The following PTPRD variants were observed in gnomAD, a reference collection of about 807,000 sequenced individuals.
PTPRD encodes the protein protein tyrosine phosphatase receptor type D.
In PTPRD, 34 loss-of-function variants were observed where a neutral mutation model predicts 214.5. The ratio of observed to expected loss-of-function variants is 0.16; its 90% confidence interval spans 0.12 to 0.21. The LOEUF (loss-of-function observed/expected upper bound fraction) is 0.21. PTPRD is among the 10% of genes least tolerant of loss of function. The probability of loss-of-function intolerance (pLI) is 1.00; values close to 1 mark genes in which losing one functional copy is unlikely to be tolerated. For missense variants in PTPRD, 2,545 were observed against 2,398.7 expected (o/e 1.06, Z -1.27); for synonymous variants, 1,128 against 845.7 (o/e 1.33, Z -5.79).
chr9:10,607,425 C>T (rs898287357), intron 2 of PTPRD, among the ~76,000 whole-genome samples: 4 of 151,772 alleles, frequency 2.6e-5, no homozygotes, highest in African/African-American at 9.7e-5. Flanking sequence ...TTCACTAAGT[C>T]CTATTTTGAA....
chr9:8,739,705 C>G (rs1428393742), intron 11 of PTPRD, among the ~76,000 whole-genome samples: 1 of 152,112 alleles, frequency 6.6e-6, no homozygotes, highest in Non-Finnish European at 1.5e-5. Context: ...TTGGATCACT[C>G]ACTAACTGAT....
chr9:9,522,349 C>T (rs1174227753), intron 8 of PTPRD, among the ~76,000 whole-genome samples: 1 of 152,000 alleles, frequency 6.6e-6, no homozygotes, highest in Admixed American at 6.6e-5. Context: ...TGGAAGGGCA[C>T]ATATGTTGTA....
At position 10,508,803 on chromosome 9, in the gene PTPRD, G is replaced by C. The variant is rs190281396; in HGVS notation, c.-600+103595C>G. On this transcript the variant is annotated intron_variant, in intron 2 of 45. Transcript: ENST00000381196. ...ACACTGGGGCCTGTCGTGGGGTGGG[G>C]GTAGAGGGGAAGGAAAGCATTAGGA... Among the ~76,000 whole-genome samples, 296 of 152,112 alleles carry C rather than the reference G, an allele frequency of 1.9e-3. 2 individuals carry two copies. Among genetic ancestry groups the C allele is most frequent in the African/African-American group, 6.9e-3 (287 of 41,498 alleles).
At chr9:8,336,600 C>A (rs1358238915) in intron 43 of PTPRD, among the ~76,000 whole-genome samples, 1 of 132,234 alleles carries the variant, frequency 7.6e-6, no homozygotes. Flanking sequence ...CAAATGGGAT[C>A]TAATTAAACT....
At chr9:9,363,813 C>G (rs994355072) in intron 9 of PTPRD, among the ~76,000 whole-genome samples, 1 of 151,316 alleles carries the variant, frequency 6.6e-6, no homozygotes, top group African/African-American at 2.4e-5. Context: ...CATTTGACAA[C>G]TGAGGGAACT....
intron 10 of PTPRD, among the ~76,000 whole-genome samples, chr9:9,160,846 C>T (rs1276475841): frequency 3.3e-5 from 5 of 151,986 alleles, no homozygotes; most frequent in Admixed American, 6.6e-5. Context: ...CTATTTGGCT[C>T]GAAAAGAAGG....
Position 9,846,685 on chromosome 9 carries a change from C to CA in PTPRD, c.-367-79835dup, listed in dbSNP as rs769760445. Among the ~76,000 whole-genome samples the CA allele has an allele frequency of 2.0e-5, 3 of 151,822 alleles. No homozygotes were observed. The East Asian group carries it at 5.8e-4, about 29-fold the overall frequency. ...GAAACTTATTTTTAAGAAAGCTACCCAGCTTGTTATTCTGCCAAACACCAA... is the reference window on the plus strand; with the variant it reads ...GAAACTTATTTTTAAGAAAGCTACCCAAGCTTGTTATTCTGCCAAACACCAA... On this transcript the variant is annotated intron_variant, in intron 5 of 45. Coordinates refer to ENST00000381196, the MANE Select transcript of PTPRD (RefSeq NM_002839.4).
At chr9:9,358,775 C>T (rs2054848130) in intron 9 of PTPRD, among the ~76,000 whole-genome samples, 1 of 151,298 alleles carries the variant, frequency 6.6e-6, no homozygotes, top group South Asian at 2.1e-4. Flanking sequence ...TAATCCAACA[C>T]CTTTACATTC....
At chr9:9,772,397 A>G (rs10977968) in intron 5 of PTPRD, among the ~76,000 whole-genome samples, 24,952 of 152,184 alleles carry the variant, frequency 0.16, 2,501 homozygotes, top group East Asian at 0.27. Flanking sequence ...ACAACTGATA[A>G]TTTCCAGTTA....
At chr9:8,496,047 C>T (rs1393350700) in intron 26 of PTPRD, among the ~76,000 whole-genome samples, 1 of 152,058 alleles carries the variant, frequency 6.6e-6, no homozygotes, top group South Asian at 2.1e-4. Flanking sequence ...TAACACGAAG[C>T]CTTCATTTAT....
intron 5 of PTPRD, among the ~76,000 whole-genome samples, chr9:9,855,571 G>A (rs2061395897): frequency 2.0e-5 from 3 of 152,092 alleles, no homozygotes; most frequent in Admixed American, 2.0e-4. Flanking sequence ...TCCTCAACCT[G>A]CCGCTCTCAA....
chr9:9,263,026 T>C (rs1276607550), intron 9 of PTPRD, among the ~76,000 whole-genome samples: 1 of 151,640 alleles, frequency 6.6e-6, no homozygotes, highest in Non-Finnish European at 1.5e-5. Context: ...CACTTTCATA[T>C]AATACCAAGG....
intron 2 of PTPRD, among the ~76,000 whole-genome samples, chr9:10,355,625 T>C (rs2097262946): frequency 6.6e-6 from 1 of 151,944 alleles, no homozygotes; most frequent in African/African-American, 2.4e-5. Flanking sequence ...ATTACAGGCA[T>C]GCACGACCAT....
At chr9:8,464,939 A>C (rs1457376385) in intron 32 of PTPRD, among the ~76,000 whole-genome samples, 1 of 151,852 alleles carries the variant, frequency 6.6e-6, no homozygotes, top group Non-Finnish European at 1.5e-5. Flanking sequence ...CTTCCTCATG[A>C]ATCCGGGTAG....
chr9:10,329,109 G>A (rs921214373), intron 3 of PTPRD, among the ~76,000 whole-genome samples: 4 of 151,668 alleles, frequency 2.6e-5, no homozygotes, highest in Non-Finnish European at 4.4e-5. Flanking sequence ...TTTTTCTGTT[G>A]AATATGAGAG....
intron 9 of PTPRD, among the ~76,000 whole-genome samples, chr9:9,210,731 C>T (rs2099947988): frequency 6.6e-6 from 1 of 152,084 alleles, no homozygotes; most frequent in Non-Finnish European, 1.5e-5. Context: ...TTGCCACATC[C>T]TAAACATCTC....
rs1235464212 is a variant in PTPRD, at chr9:9,882,193, CACCTGAATTTTTTTA to C, written c.-368+56299_-368+56313del. 5.9e-5 allele frequency among the ~76,000 whole-genome samples: 9 copies of C among 152,136 alleles called. No homozygotes were observed. The East Asian group carries it at 1.7e-3, about 29-fold the overall frequency. On this transcript the variant is annotated intron_variant, in intron 5 of 45. Transcript: ENST00000381196. Reference sequence around the variant, plus strand: ...TTCTCTCCTCCAACATGCCCTTCACCACCTGAATTTTTTTAACCTCTCTCCTCATTATCATGTCTC... The same window carrying C: ...TTCTCTCCTCCAACATGCCCTTCACCACCTCTCTCCTCATTATCATGTCTC...
chr9:10,019,033 C>G (rs542605232), intron 4 of PTPRD, among the ~76,000 whole-genome samples: 108 of 152,166 alleles, frequency 7.1e-4, no homozygotes, highest in Non-Finnish European at 1.3e-3. Context: ...ACTCATCTGA[C>G]AAAGGGCTAA....
At chr9:8,760,182 C>T (rs565926258) in intron 11 of PTPRD, among the ~76,000 whole-genome samples, 19 of 152,304 alleles carry the variant, frequency 1.2e-4, no homozygotes, top group Non-Finnish European at 2.4e-4. Context: ...CCACCCACTT[C>T]GGCCTCCACC....
Sources: gnomAD v4.1 joint callset for allele counts (sites outside exome capture counted in the v4.1 genomes callset) on GRCh38, gnomAD v4.1.1 for gene constraint, MANE v1.5 for transcripts, NCBI Gene and HGNC (gene_info 2026-07-23, HGNC 2026-07-21) for gene names.